Variants in PCDHA9 observed in about 807,000 individuals in gnomAD.
The protein encoded by PCDHA9 is protocadherin alpha-9.
Under a neutral mutation model 62.0 loss-of-function variants are expected in PCDHA9, and 62 were observed. The ratio of observed to expected loss-of-function variants is 1.00; its 90% CI spans 0.81 to 1.23. The LOEUF is 1.23. Ranked by LOEUF, PCDHA9 falls within the 50% of genes most tolerant of loss-of-function variation. The probability of loss-of-function intolerance (pLI) is 0.00; values close to 1 mark genes in which losing one functional copy is unlikely to be tolerated. For synonymous variants in PCDHA9, 557 were observed against 567.6 expected, an observed-to-expected ratio of 0.98 and a Z score of 0.27; for missense variants, 1,205 against 1,249.8, an observed-to-expected ratio of 0.96 and a Z score of 0.54.
At chr5:140,947,238 A>G (rs1252869330) in intron 1 of PCDHA9, among the ~76,000 whole-genome samples, 2 of 151,618 alleles carry the variant, frequency 1.3e-5, no homozygotes, top group Non-Finnish European at 3.0e-5. Flanking sequence ...GGAAAAAAAA[A>G]TAAGATAATC....
intron 1 of PCDHA9, among the ~76,000 whole-genome samples, chr5:140,901,810 T>C (rs2068911855): frequency 6.6e-6 from 1 of 152,336 alleles, no homozygotes; most frequent in African/African-American, 2.4e-5. Flanking sequence ...ATTTTTACAA[T>C]ATTGATTCTT....
chr5:140,941,402 C>T (rs544909478), intron 1 of PCDHA9, among the ~76,000 whole-genome samples: 12 of 149,674 alleles, frequency 8.0e-5, no homozygotes, highest in African/African-American at 2.5e-4. Flanking sequence ...CTGCAACCTC[C>T]GCCTCCCGGG....
At chr5:140,978,798 G>T (rs1249216156) in intron 1 of PCDHA9, 151 bp from the exon 2 acceptor site, 2 of 1,477,414 alleles carry the variant, frequency 1.4e-6, no homozygotes, top group Admixed American at 2.3e-5. Context: ...TATATATGTA[G>T]ATATCATCAT....
At chr5:140,896,450 C>G (rs1009231622) in intron 1 of PCDHA9, among the ~76,000 whole-genome samples, 5 of 152,092 alleles carry the variant, frequency 3.3e-5, no homozygotes, top group Admixed American at 1.3e-4. Flanking sequence ...GCAACCTCCA[C>G]CTCCTGGGTT....
At chr5:140,905,446 A>G (rs1421760693) in intron 1 of PCDHA9, among the ~76,000 whole-genome samples, 2 of 152,180 alleles carry the variant, frequency 1.3e-5, no homozygotes, top group East Asian at 3.9e-4. Flanking sequence ...GCCTTTTAGT[A>G]TAATTTAAAG....
At chr5:140,935,310 C>T (rs569890065) in intron 1 of PCDHA9, among the ~76,000 whole-genome samples, 2 of 152,200 alleles carry the variant, frequency 1.3e-5, no homozygotes, top group Non-Finnish European at 2.9e-5. Flanking sequence ...TACTTAACTT[C>T]ATCAATCTTA....
chr5:140,938,148 A>G (rs563866654), intron 1 of PCDHA9, among the ~76,000 whole-genome samples: 1 of 152,284 alleles, frequency 6.6e-6, no homozygotes, highest in African/African-American at 2.4e-5. Context: ...GTCTCACTAC[A>G]TTGCCCAGGC....
At chr5:140,919,222 C>G (rs1367427149) in intron 1 of PCDHA9, among the ~76,000 whole-genome samples, 3 of 152,144 alleles carry the variant, frequency 2.0e-5, no homozygotes, top group African/African-American at 7.2e-5. Flanking sequence ...TTCTTGATTT[C>G]TAGTAACACT....
intron 1 of PCDHA9, chr5:140,884,384 G>C: frequency 6.2e-7 from 1 of 1,613,972 alleles, no homozygotes; most frequent in Non-Finnish European, 8.5e-7. Context: ...TGCCATCTGC[G>C]CGGTGTCCAG....
intron 1 of PCDHA9, chr5:140,967,333 C>T (rs113984883): frequency 1.9e-6 from 3 of 1,608,148 alleles, no homozygotes; most frequent in Admixed American, 1.7e-5. Context: ...AGCTCAGCCC[C>T]AGCGAGCACT....
Position 140,857,707 on chromosome 5 carries a change from C to T in PCDHA9, c.2394+6818C>T, listed in dbSNP as rs1554150544. Reference sequence around the variant, plus strand: ...GCAGCAACTTGACGCTGCAGGTGTTCGTGCTGGACGAGAACGACAACGCTC... The same window carrying T: ...GCAGCAACTTGACGCTGCAGGTGTTTGTGCTGGACGAGAACGACAACGCTC... On this transcript the variant is annotated intron_variant, in intron 1 of 3. Coordinates refer to ENST00000532602, the MANE Select transcript of PCDHA9 (RefSeq NM_031857.2). 3.1e-6 allele frequency: 5 copies of T among 1,597,080 alleles called. 1 individual carries two copies. Among genetic ancestry groups the T allele is most frequent in the East Asian group, 2.2e-5 (1 of 44,802 alleles).
rs190183922 is a variant in PCDHA9, at chr5:140,912,839, T to C, written c.2394+61950T>C. ...AGGGATTTTGAATTTTATTAAATGC[T>C]TTTTCAGCATCAATTGAAATGATAT... On this transcript the variant is annotated intron_variant, in intron 1 of 3. Coordinates refer to ENST00000532602, the MANE Select transcript of PCDHA9 (RefSeq NM_031857.2). Among the ~76,000 whole-genome samples the C allele has an allele frequency of 6.6e-5, 10 of 152,356 alleles. No individual in the cohort carries two copies. In the East Asian group the frequency reaches 1.9e-3, roughly 29 times the overall value.
intron 1 of PCDHA9, among the ~76,000 whole-genome samples, chr5:140,943,614 A>G (rs1269579212): frequency 6.6e-6 from 1 of 152,220 alleles, no homozygotes; most frequent in Admixed American, 6.5e-5. Context: ...ACTTTGATTC[A>G]TCTGCATAAG....
At chr5:140,852,575 C>G (rs913886842) in intron 1 of PCDHA9, 6 of 798,922 alleles carry the variant, frequency 7.5e-6, no homozygotes, top group African/African-American at 1.9e-5. Flanking sequence ...TGTGCCAAGG[C>G]TTTTTTATTT....
At position 141,011,492 on chromosome 5, in the gene PCDHA9, A is replaced by T. The variant is rs2098420803; in HGVS notation, c.*1555A>T. On this transcript the variant is annotated 3_prime_UTR_variant, in exon 4 of 4. Coordinates refer to ENST00000532602, the MANE Select transcript of PCDHA9 (RefSeq NM_031857.2). ...AATTCCATTATATTTCCTTTTGTAC[A>T]CCTGTGAAAAAGTGGAGTAGTGTTT... The T allele has an allele frequency of 1.3e-5, 2 of 153,698 alleles. No individual in the cohort carries two copies. The highest frequency in any genetic ancestry group is 2.9e-5 in the Non-Finnish European group (2 of 68,026). 9.5% of individuals were successfully genotyped at this position (153,698 alleles called of 1,614,324 possible).
intron 1 of PCDHA9, among the ~76,000 whole-genome samples, chr5:140,943,498 A>T (rs2093507311): frequency 6.6e-6 from 1 of 152,164 alleles, no homozygotes; most frequent in Admixed American, 6.6e-5. Flanking sequence ...GATGCTATCA[A>T]GGTTCATGGA....
At chr5:140,914,929 G>A (rs1167844428) in intron 1 of PCDHA9, among the ~76,000 whole-genome samples, 2 of 145,306 alleles carry the variant, frequency 1.4e-5, no homozygotes, top group African/African-American at 5.0e-5. Flanking sequence ...ATTGTACTAT[G>A]TTGTGAAAAG....
intron 1 of PCDHA9, among the ~76,000 whole-genome samples, chr5:140,978,557 T>C (rs1262121525): frequency 6.6e-6 from 1 of 152,246 alleles, no homozygotes; most frequent in Non-Finnish European, 1.5e-5. Flanking sequence ...TGCCCTGTTA[T>C]AGCTGTAATA....
At chr5:140,961,193 G>C (rs1297758288) in intron 1 of PCDHA9, among the ~76,000 whole-genome samples, 1 of 152,124 alleles carries the variant, frequency 6.6e-6, no homozygotes, top group Non-Finnish European at 1.5e-5. Context: ...CAGGACCCTA[G>C]TGAGGTTGGT....
Sources: allele counts gnomAD v4.1 joint callset (sites outside exome capture counted in the v4.1 genomes callset), GRCh38; gene constraint gnomAD v4.1.1; transcripts MANE v1.5; gene names NCBI Gene and HGNC (gene_info 2026-07-23, HGNC 2026-07-21).